The following NPAS3 variants were observed in gnomAD, a reference collection of about 807,000 sequenced individuals.
NPAS3 encodes neuronal PAS domain protein 3, also known as neuronal PAS domain-containing protein 3.
Under a neutral mutation model 73.1 loss-of-function variants are expected in NPAS3, and 14 were observed. That is an observed-to-expected ratio of 0.19 (90% CI 0.13 to 0.30). NPAS3 has a LOEUF of 0.30. Among genes scored for constraint, NPAS3 ranks in the 10% least tolerant of loss-of-function variants. The probability of loss-of-function intolerance (pLI) is 1.00; values close to 1 mark genes in which losing one functional copy is unlikely to be tolerated. For synonymous variants in NPAS3, 620 were observed against 541.5 expected, an observed-to-expected ratio of 1.14 and a Z score of -2.01; for missense variants, 1,096 against 1,250.0, an observed-to-expected ratio of 0.88 and a Z score of 1.86.
chr14:33,543,876 T>C (rs1189752192), intron 4 of NPAS3, among the ~76,000 whole-genome samples: 1 of 150,514 alleles, frequency 6.6e-6, no homozygotes, highest in Non-Finnish European at 1.5e-5. Context: ...ACATGCTGCA[T>C]GGCAGCCTGA....
intron 1 of NPAS3, among the ~76,000 whole-genome samples, chr14:33,017,500 A>G (rs1321241554): frequency 6.6e-6 from 1 of 152,196 alleles, no homozygotes; most frequent in Non-Finnish European, 1.5e-5. Context: ...CCAGAGATAA[A>G]TTAATCGAAT....
chr14:33,119,261 A>G (rs1052158557), intron 2 of NPAS3, among the ~76,000 whole-genome samples: 2 of 152,054 alleles, frequency 1.3e-5, no homozygotes, highest in South Asian at 4.1e-4. Flanking sequence ...AGTACTCTCT[A>G]TTTTTAAGAG....
At chr14:33,384,352 A>G (rs2046682781) in intron 4 of NPAS3, among the ~76,000 whole-genome samples, 1 of 152,102 alleles carries the variant, frequency 6.6e-6, no homozygotes, top group Admixed American at 6.6e-5. Flanking sequence ...AAATCATTTT[A>G]AAGTATTCAC....
intron 4 of NPAS3, among the ~76,000 whole-genome samples, chr14:33,386,363 T>C (rs1463471850): frequency 6.6e-6 from 1 of 152,220 alleles, no homozygotes; most frequent in East Asian, 1.9e-4. Context: ...ATTCACCATT[T>C]CATCTCTTTC....
intron 3 of NPAS3, among the ~76,000 whole-genome samples, chr14:33,304,977 C>G (rs1183846783): frequency 1.3e-5 from 2 of 152,062 alleles, no homozygotes; most frequent in Non-Finnish European, 2.9e-5. Context: ...ATATAGTTAT[C>G]TATAAATGTC....
chr14:33,296,899 G>A (rs1488567749), intron 3 of NPAS3, among the ~76,000 whole-genome samples: 2 of 152,166 alleles, frequency 1.3e-5, no homozygotes, highest in African/African-American at 4.8e-5. Context: ...AACTAACCTA[G>A]CTCTGTTCCT....
intron 3 of NPAS3, among the ~76,000 whole-genome samples, chr14:33,244,890 C>T (rs17472711): frequency 0.23 from 35,389 of 152,094 alleles, 4,452 homozygotes; most frequent in Non-Finnish European, 0.28. Flanking sequence ...GATTTTGGGA[C>T]AAGTGGTTTT....
At chr14:33,574,505 G>C (rs1338158162) in intron 5 of NPAS3, among the ~76,000 whole-genome samples, 1 of 152,122 alleles carries the variant, frequency 6.6e-6, no homozygotes, top group Non-Finnish European at 1.5e-5. Context: ...GTGGCTTGCG[G>C]GGCCAGAGGT....
intron 4 of NPAS3, among the ~76,000 whole-genome samples, chr14:33,499,397 C>A (rs1053814383): frequency 6.6e-6 from 1 of 151,750 alleles, no homozygotes; most frequent in African/African-American, 2.4e-5. Context: ...ATAGAAAGAA[C>A]GTAAAATGAG....
intron 1 of NPAS3, among the ~76,000 whole-genome samples, chr14:33,046,107 G>T (rs902906025): frequency 6.6e-6 from 1 of 152,204 alleles, no homozygotes; most frequent in Non-Finnish European, 1.5e-5. Flanking sequence ...TCTGATGCAG[G>T]TCAAGTAAAA....
intron 4 of NPAS3, among the ~76,000 whole-genome samples, chr14:33,504,774 T>C (rs2052678308): frequency 6.6e-6 from 1 of 151,942 alleles, no homozygotes; most frequent in South Asian, 2.1e-4. Context: ...TTTTGAGACT[T>C]TGGGGAAGTT....
At chr14:33,119,117 A>G (rs1324296244) in intron 2 of NPAS3, among the ~76,000 whole-genome samples, 1 of 152,050 alleles carries the variant, frequency 6.6e-6, no homozygotes, top group African/African-American at 2.4e-5. Flanking sequence ...GCAAAACTTC[A>G]CAAGTTTTCA....
At chr14:32,960,770 C>A (rs2036878299) in intron 1 of NPAS3, among the ~76,000 whole-genome samples, 1 of 152,114 alleles carries the variant, frequency 6.6e-6, no homozygotes, top group African/African-American at 2.4e-5. Flanking sequence ...AAGGAAAGAA[C>A]TTACATAAAA....
chr14:33,788,320 C>T (rs2063241614), intron 9 of NPAS3, among the ~76,000 whole-genome samples: 1 of 152,216 alleles, frequency 6.6e-6, no homozygotes, highest in Non-Finnish European at 1.5e-5. Context: ...GATGCGTCCT[C>T]CTATCGCCAT....
intron 3 of NPAS3, among the ~76,000 whole-genome samples, chr14:33,279,838 C>T (rs1156437694): frequency 6.6e-6 from 1 of 152,074 alleles, no homozygotes; most frequent in Non-Finnish European, 1.5e-5. Flanking sequence ...CAGGTTGAAT[C>T]GCACAAAATT....
intron 2 of NPAS3, among the ~76,000 whole-genome samples, chr14:33,087,255 G>C (rs377491870): frequency 7.0e-6 from 1 of 143,274 alleles, no homozygotes; most frequent in East Asian, 2.0e-4. Flanking sequence ...GTACAATATT[G>C]TACAATATTA....
chr14:33,346,611 G>A (rs1391975700), intron 3 of NPAS3, among the ~76,000 whole-genome samples: 1 of 151,738 alleles, frequency 6.6e-6, no homozygotes, highest in African/African-American at 2.4e-5. Context: ...AGAAAATTAG[G>A]ATGTATTAGT....
At chr14:33,091,513 A>G (rs1379737704) in intron 2 of NPAS3, among the ~76,000 whole-genome samples, 1 of 152,174 alleles carries the variant, frequency 6.6e-6, no homozygotes, top group East Asian at 1.9e-4. Context: ...CTACCAACCA[A>G]AAAATGTCCA....
chr14:33,155,516 G>A (rs528332160), intron 2 of NPAS3, among the ~76,000 whole-genome samples: 2 of 152,226 alleles, frequency 1.3e-5, no homozygotes, highest in African/African-American at 4.8e-5. Flanking sequence ...TCAGTTTCCT[G>A]AGTAGTCAAG....
Sources: gnomAD v4.1 joint callset for allele counts (sites outside exome capture counted in the v4.1 genomes callset) on GRCh38, gnomAD v4.1.1 for gene constraint, MANE v1.5 for transcripts, NCBI Gene and HGNC (gene_info 2026-07-23, HGNC 2026-07-21) for gene names.